ACAD11: variants seen among roughly 807,000 people sequenced by gnomAD.
ACAD11 encodes acyl-Coenzyme A dehydrogenase family, member 11.
ACAD11 carries 83 observed loss-of-function variants against 102.2 expected under a neutral mutation model. The observed-to-expected ratio is 0.81, with a 90% confidence interval of 0.68 to 0.97. ACAD11 has a LOEUF of 0.97. Ranked by LOEUF, ACAD11 falls within the 50% of genes least tolerant of loss-of-function variation. ACAD11 has a pLI of 0.00. For synonymous variants in ACAD11, 324 were observed against 319.8 expected, an observed-to-expected ratio of 1.01 and a Z score of -0.14; for missense variants, 901 against 951.7, an observed-to-expected ratio of 0.95 and a Z score of 0.70.
At chr3:132,604,984 G>T (rs1938777341) in intron 12 of ACAD11, 114 bp downstream of exon 12, 3 of 685,140 alleles carry the variant, frequency 4.4e-6, no homozygotes, top group East Asian at 2.8e-5. Context: ...TCACATTTTT[G>T]GCCAATGGCA....
chr3:132,645,397 T>A (rs1478264513), intron 1 of ACAD11, among the ~76,000 whole-genome samples: 1 of 152,070 alleles, frequency 6.6e-6, no homozygotes, highest in Admixed American at 6.6e-5. Context: ...AGAAGTGAGG[T>A]CCCACAGTGA....
In ACAD11 at chr3:132,559,026, G is replaced by T; in HGVS notation, c.2288C>A (p.Ala763Glu). ...GTCCCGCAGCTCCATTGTTGCGATT[G>T]CTGAAAGATGAACTTCGTCAGGTCC... ...ADGPDEVHLS[A>E]IATMELRDQA... The change falls in exon 20 of 20, where the codon GCA (alanine) becomes GAA (glutamate). Residue 763 changes from alanine to glutamate, a missense_variant. Ala to Glu is a moderately radical substitution (Grantham distance 107, BLOSUM62 -1). Coordinates refer to ENST00000264990, the MANE Select transcript of ACAD11 (RefSeq NM_032169.5). 6.2e-7 allele frequency: 1 copy of T among 1,613,786 alleles called. No individual in the cohort carries two copies. Among genetic ancestry groups the T allele is most frequent in the Non-Finnish European group, 8.5e-7 (1 of 1,179,846 alleles).
intron 1 of ACAD11, among the ~76,000 whole-genome samples, chr3:132,651,165 G>A (rs1182602923): frequency 1.3e-5 from 2 of 152,096 alleles, no homozygotes; most frequent in African/African-American, 2.4e-5. Context: ...GAAACTCATT[G>A]CTACTTCCAG....
At chr3:132,646,999 A>T (rs954777181) in intron 1 of ACAD11, 2 of 152,220 alleles carry the variant, frequency 1.3e-5, no homozygotes, top group Non-Finnish European at 2.9e-5. Flanking sequence ...TTAGAACTAG[A>T]TAGTGGTGAT....
At chr3:132,620,148 A>G (rs1464712040) in intron 9 of ACAD11, among the ~76,000 whole-genome samples, 2 of 152,252 alleles carry the variant, frequency 1.3e-5, no homozygotes, top group African/African-American at 4.8e-5. Flanking sequence ...TAAGTGGAAG[A>G]AAATTTAAAA....
At chr3:132,594,813 G>C (rs1227945641) in intron 13 of ACAD11, among the ~76,000 whole-genome samples, 3 of 152,092 alleles carry the variant, frequency 2.0e-5, no homozygotes, top group Non-Finnish European at 4.4e-5. Context: ...AAAGATCAAA[G>C]AGATTATTAT....
At position 132,578,832 on chromosome 3, in the gene ACAD11, T is replaced by C. The variant is rs747922634; in HGVS notation, c.1738A>G (p.Lys580Glu). 1 of 1,613,060 alleles carries C rather than the reference T, an allele frequency of 6.2e-7. No homozygotes were observed. The highest frequency in any genetic ancestry group is 2.2e-5 in the East Asian group (1 of 44,786). The change falls in exon 15 of 20, where the codon AAA becomes GAA. Residue 580 changes from lysine to glutamate, a missense_variant. Physicochemically the swap from Lys to Glu is moderately conservative, Grantham distance 56. Coordinates refer to ENST00000264990, the MANE Select transcript of ACAD11 (RefSeq NM_032169.5). ...ILVPMNTPGVKIIRPLSVFGY... is the reference protein window; with the variant it reads ...ILVPMNTPGVEIIRPLSVFGY... ...AAAACTGACAAAGGCCTTATTATTT[T>C]TACTCCAGGTGTGTTCATGGGAACA...
At chr3:132,559,134 C>G (rs774734436) in intron 19 of ACAD11, 49 bp from the exon 20 acceptor site, 25 of 1,285,120 alleles carry the variant, frequency 1.9e-5, no homozygotes, top group Non-Finnish European at 2.8e-5. Context: ...GGAAGAGGAA[C>G]ATGATACTTT....
intron 13 of ACAD11, among the ~76,000 whole-genome samples, chr3:132,588,776 A>G (rs1407522658): frequency 6.7e-6 from 1 of 150,326 alleles, no homozygotes; most frequent in East Asian, 1.9e-4. Context: ...TAAATGTCAT[A>G]TTCTTCACAG....
chr3:132,651,551 C>G (rs1940932141), intron 1 of ACAD11, among the ~76,000 whole-genome samples: 1 of 152,156 alleles, frequency 6.6e-6, no homozygotes, highest in Admixed American at 6.5e-5. Flanking sequence ...TACCTCTAAC[C>G]TCCTACCTTT....
At chr3:132,613,239 G>C (rs936864605) in intron 11 of ACAD11, among the ~76,000 whole-genome samples, 1 of 151,614 alleles carries the variant, frequency 6.6e-6, no homozygotes. Flanking sequence ...GGTGGGGGAA[G>C]GGGGGAGGGA....
intron 7 of ACAD11, among the ~76,000 whole-genome samples, chr3:132,628,853 T>G (rs1264250114): frequency 6.6e-6 from 1 of 152,172 alleles, no homozygotes; most frequent in African/African-American, 2.4e-5. Flanking sequence ...TCTAAGAACA[T>G]TTTATCTCAT....
In ACAD11 at chr3:132,618,562, TTATCA is replaced by T. The variant is rs538943475; in HGVS notation, c.1414+67_1414+71del. On this transcript the variant is annotated intron_variant, in intron 11 of 19. Coordinates refer to ENST00000264990, the MANE Select transcript of ACAD11 (RefSeq NM_032169.5). ...AATAACTTTGTATAAAAACACATTC[TTATCA>T]TATATAGAAATTTTAAACACTGATC... The T allele has an allele frequency of 5.3e-4, 692 of 1,310,848 alleles. 1 individual carries two copies. In the African/African-American group the frequency reaches 9.5e-3, roughly 18 times the overall value. 81.2% of individuals were successfully genotyped at this position (1,310,848 alleles called of 1,614,324 possible).
chr3:132,614,571 T>G (rs1341861977), intron 11 of ACAD11, among the ~76,000 whole-genome samples: 1 of 152,100 alleles, frequency 6.6e-6, no homozygotes, highest in African/African-American at 2.4e-5. Flanking sequence ...ACAAGCAATG[T>G]GGGAAGGATT....
At chr3:132,605,280 G>A (rs1458663602) in intron 11 of ACAD11, 75 bp from the exon 12 acceptor site, 6 of 920,532 alleles carry the variant, frequency 6.5e-6, no homozygotes, top group Non-Finnish European at 8.3e-6. Context: ...TATGTAGAGA[G>A]TATAGAAATG....
intron 11 of ACAD11, among the ~76,000 whole-genome samples, chr3:132,615,623 C>T (rs1466531027): frequency 6.6e-6 from 1 of 152,102 alleles, no homozygotes; most frequent in Non-Finnish European, 1.5e-5. Flanking sequence ...AGGAGCTGAA[C>T]AATGAAAACA....
chr3:132,601,095 T>G (rs563444565), intron 13 of ACAD11: 1 of 1,613,874 alleles, frequency 6.2e-7, no homozygotes, highest in African/African-American at 1.3e-5. Flanking sequence ...ATGCCAAACA[T>G]TAAAATATCT....
At chr3:132,617,763 A>G (rs1939462153) in intron 11 of ACAD11, among the ~76,000 whole-genome samples, 1 of 152,192 alleles carries the variant, frequency 6.6e-6, no homozygotes, top group South Asian at 2.1e-4. Context: ...TGCCCTATGA[A>G]GCTCAAAATA....
intron 13 of ACAD11, among the ~76,000 whole-genome samples, chr3:132,600,026 T>G (rs1938498417): frequency 6.6e-6 from 1 of 152,184 alleles, no homozygotes; most frequent in Non-Finnish European, 1.5e-5. Flanking sequence ...ATAACACTAT[T>G]TATTCTTTTT....
Sources: gnomAD v4.1 joint callset for allele counts (sites outside exome capture counted in the v4.1 genomes callset) on GRCh38, gnomAD v4.1.1 for gene constraint, MANE v1.5 for transcripts, NCBI Gene and HGNC (gene_info 2026-07-23, HGNC 2026-07-21) for gene names.